The following HAPLN1 variants were observed in gnomAD, a reference collection of about 807,000 sequenced individuals.
HAPLN1 encodes hyaluronan and proteoglycan link protein 1, also known as Cartilage link protein.
A neutral mutation model predicts 36.5 loss-of-function variants in HAPLN1; 13 were observed. The ratio of observed to expected loss-of-function variants is 0.36; its 90% CI spans 0.23 to 0.57. HAPLN1 has a LOEUF of 0.57. HAPLN1 is among the 20% of genes least tolerant of loss of function. HAPLN1 has a pLI of 0.83. For missense variants in HAPLN1, 407 were observed against 439.7 expected (o/e 0.93, Z 0.66); for synonymous variants, 202 against 169.8 (o/e 1.19, Z -1.48).
In HAPLN1 at chr5:83,656,327, C is replaced by CAAA. The variant is rs35902132; in HGVS notation, c.101-3506_101-3504dup. 8.6e-3 allele frequency among the ~76,000 whole-genome samples: 509 copies of CAAA among 59,356 alleles called. 4 individuals are homozygous for CAAA. Among genetic ancestry groups the CAAA allele is most frequent in the East Asian group, 9.9e-3 (15 of 1,520 alleles). 38.9% of individuals were successfully genotyped at this position (59,356 alleles called of 152,430 possible). A position where few individuals can be genotyped will look rare whatever the true frequency, so the allele number is the denominator to read the frequency against. ...TGGGCAACACAGAAAGACTACGTCTCAAAAAAAAAAAAAAAAAAAAAAAGA... is the reference window on the plus strand; with the variant it reads ...TGGGCAACACAGAAAGACTACGTCTCAAAAAAAAAAAAAAAAAAAAAAAAAAGA... On this transcript the variant is annotated intron_variant, in intron 2 of 4. Transcript: ENST00000274341.
intron 3 of HAPLN1, among the ~76,000 whole-genome samples, chr5:83,649,489 C>T (rs1415146076): frequency 6.6e-6 from 1 of 152,118 alleles, no homozygotes; most frequent in Non-Finnish European, 1.5e-5. Context: ...CGCTCTGTCA[C>T]CCAGGCTGGA....
intron 1 of HAPLN1, among the ~76,000 whole-genome samples, chr5:83,693,789 A>G (rs1751332066): frequency 6.6e-6 from 1 of 151,984 alleles, no homozygotes; most frequent in Non-Finnish European, 1.5e-5. Context: ...TTACAACATT[A>G]AAAATGTATG....
intron 3 of HAPLN1, 135 bp from the exon 4 acceptor site, chr5:83,644,800 T>C: frequency 2.0e-6 from 1 of 502,110 alleles, no homozygotes; most frequent in Non-Finnish European, 3.3e-6. Flanking sequence ...CTAGCAACTG[T>C]TTCTCATGAT....
chr5:83,652,752 G>T lies in HAPLN1; in HGVS notation c.173C>A (p.Thr58Lys), dbSNP rs748048150. The T allele has an allele frequency of 2.5e-6, 4 of 1,613,978 alleles. No homozygotes were observed. Reference protein sequence around the residue: ...KVFSHRGGNVTLPCKFYRDPT... With the variant: ...KVFSHRGGNVKLPCKFYRDPT... ...GTCTCGATAAAATTTACATGGCAGTGTAACATTGCCACCTCTGTGTGAAAA... is the reference window on the plus strand; with the variant it reads ...GTCTCGATAAAATTTACATGGCAGTTTAACATTGCCACCTCTGTGTGAAAA... The change falls in exon 3 of 5, where the codon ACA (threonine) becomes AAA (lysine). Residue 58 changes from threonine (T) to lysine (K), a missense_variant. By Grantham distance (78) the Thr-to-Lys change is moderately conservative. Coordinates refer to ENST00000274341, the MANE Select transcript of HAPLN1 (RefSeq NM_001884.4).
chr5:83,691,079 C>T (rs1751258117), intron 1 of HAPLN1, among the ~76,000 whole-genome samples: 1 of 151,994 alleles, frequency 6.6e-6, no homozygotes, highest in Non-Finnish European at 1.5e-5. Context: ...AGGCAAAGAA[C>T]AGTAACTTCT....
At chr5:83,664,328 C>T (rs1050609568) in intron 2 of HAPLN1, among the ~76,000 whole-genome samples, 15 of 138,188 alleles carry the variant, frequency 1.1e-4, no homozygotes, top group Admixed American at 5.3e-4. Flanking sequence ...GGCAAACGAA[C>T]GCCATTGGGC....
intron 2 of HAPLN1, 100 bp from the exon 3 acceptor site, chr5:83,652,924 G>T: frequency 1.7e-6 from 2 of 1,180,936 alleles, no homozygotes; most frequent in Non-Finnish European, 2.3e-6. Context: ...ATCTGACAAA[G>T]GATAGCTTTG....
chr5:83,677,368 G>A (rs768431762), intron 1 of HAPLN1, among the ~76,000 whole-genome samples: 7 of 152,134 alleles, frequency 4.6e-5, no homozygotes, highest in Non-Finnish European at 7.4e-5. Flanking sequence ...AGTGCTGTCG[G>A]CTCTCTCTTA....
chr5:83,641,012 C>T lies in HAPLN1; in HGVS notation c.*484G>A, dbSNP rs1362114416. On this transcript the variant is annotated 3_prime_UTR_variant, in exon 5 of 5. Transcript: ENST00000274341. ...AACTTTTAGAAAGGTATAGATTGTTCCCTTGTGAAACTGAGTTTTGTATAA... is the reference window on the plus strand; with the variant it reads ...AACTTTTAGAAAGGTATAGATTGTTTCCTTGTGAAACTGAGTTTTGTATAA... The T allele has an allele frequency of 6.7e-6, 1 of 148,914 alleles. No homozygotes were observed. The highest frequency in any genetic ancestry group is 1.5e-5 in the Non-Finnish European group (1 of 67,466). 9.2% of individuals were successfully genotyped at this position (148,914 alleles called of 1,614,324 possible). A position where few individuals can be genotyped will look rare whatever the true frequency, so the allele number is the denominator to read the frequency against.
At chr5:83,682,334 A>G (rs1328895878) in intron 1 of HAPLN1, 2 of 152,214 alleles carry the variant, frequency 1.3e-5, no homozygotes, top group African/African-American at 4.8e-5. Flanking sequence ...CACATATTTT[A>G]AAAAGTCACC....
At chr5:83,691,652 A>T (rs1009070750) in intron 1 of HAPLN1, among the ~76,000 whole-genome samples, 1 of 152,018 alleles carries the variant, frequency 6.6e-6, no homozygotes, top group African/African-American at 2.4e-5. Context: ...TGTAGGAATA[A>T]GTAGTATCCA....
intron 1 of HAPLN1, among the ~76,000 whole-genome samples, chr5:83,677,034 A>G (rs1450706879): frequency 1.3e-5 from 2 of 152,236 alleles, no homozygotes; most frequent in Non-Finnish European, 2.9e-5. Context: ...CAACAGTCTA[A>G]TACCAAGATG....
chr5:83,711,203 C>T (rs1247985239), intron 1 of HAPLN1, among the ~76,000 whole-genome samples: 1 of 152,088 alleles, frequency 6.6e-6, no homozygotes, highest in African/African-American at 2.4e-5. Flanking sequence ...GAGAGGGTGG[C>T]TTCTATTTTC....
At chr5:83,653,516 T>C (rs1241827548) in intron 2 of HAPLN1, among the ~76,000 whole-genome samples, 1 of 152,248 alleles carries the variant, frequency 6.6e-6, no homozygotes, top group Non-Finnish European at 1.5e-5. Context: ...TCCTCAAAAT[T>C]TGGATGTTAA....
chr5:83,657,994 G>A (rs993194762), intron 2 of HAPLN1, among the ~76,000 whole-genome samples: 27 of 151,702 alleles, frequency 1.8e-4, no homozygotes, highest in Admixed American at 2.6e-4. Context: ...ACCTTGTTGC[G>A]CAACCATCAC....
intron 1 of HAPLN1, among the ~76,000 whole-genome samples, chr5:83,708,018 A>G (rs990049476): frequency 2.0e-5 from 3 of 152,266 alleles, no homozygotes; most frequent in African/African-American, 7.2e-5. Flanking sequence ...ATGAGACACC[A>G]TCTCACACAG....
chr5:83,652,099 T>C (rs1437536471), intron 3 of HAPLN1: 4 of 262,370 alleles, frequency 1.5e-5, no homozygotes, highest in Non-Finnish European at 2.8e-5. Context: ...ACTGAGATAA[T>C]TTTAGAAACA....
intron 1 of HAPLN1, among the ~76,000 whole-genome samples, chr5:83,690,323 G>T (rs1007151913): frequency 6.6e-6 from 1 of 151,938 alleles, no homozygotes; most frequent in African/African-American, 2.4e-5. Context: ...GCCACCCAAG[G>T]CGATCATAAA....
chr5:83,672,889 G>C (rs1250755447), intron 2 of HAPLN1, among the ~76,000 whole-genome samples: 1 of 152,182 alleles, frequency 6.6e-6, no homozygotes, highest in South Asian at 2.1e-4. Flanking sequence ...CAGCTCTCAG[G>C]CTTAGGAATC....
Sources: gnomAD v4.1 joint callset for allele counts (sites outside exome capture counted in the v4.1 genomes callset) on GRCh38, gnomAD v4.1.1 for gene constraint, MANE v1.5 for transcripts, NCBI Gene and HGNC (gene_info 2026-07-23, HGNC 2026-07-21) for gene names.